Variants in WDR26 observed in about 807,000 individuals in gnomAD.
The protein encoded by WDR26 is WD repeat domain 26.
In WDR26, 5 loss-of-function variants were observed where a neutral mutation model predicts 84.1. That is an observed-to-expected ratio of 0.06 (90% CI 0.03 to 0.13). The LOEUF (loss-of-function observed/expected upper bound fraction) is 0.13, where lower values mean the gene tolerates loss of function less well. WDR26 is among the 10% of genes least tolerant of loss of function. WDR26 has a pLI of 1.00. For missense variants in WDR26, 642 were observed against 974.9 expected, an observed-to-expected ratio of 0.66 and a Z score of 4.55; for synonymous variants, 415 against 389.6, an observed-to-expected ratio of 1.07 and a Z score of -0.77.
intron 6 of WDR26, among the ~76,000 whole-genome samples, chr1:224,412,211 G>A (rs908732665): frequency 2.0e-5 from 3 of 152,174 alleles, no homozygotes; most frequent in Non-Finnish European, 4.4e-5. Context: ...TGGAATGTAA[G>A]AGATACTCAA....
chr1:224,393,391 T>C (rs904345699), intron 13 of WDR26, among the ~76,000 whole-genome samples: 2 of 152,232 alleles, frequency 1.3e-5, no homozygotes, highest in Non-Finnish European at 2.9e-5. Context: ...GTATGATGCA[T>C]GGTGCAAACA....
chr1:224,423,965 C>G (rs1273026475), intron 4 of WDR26, among the ~76,000 whole-genome samples: 1 of 152,126 alleles, frequency 6.6e-6, no homozygotes, highest in Non-Finnish European at 1.5e-5. Flanking sequence ...GGTACAGTGA[C>G]TCATGCCTGT....
chr1:224,411,181 T>G (rs1298004774), intron 7 of WDR26, among the ~76,000 whole-genome samples: 1 of 152,162 alleles, frequency 6.6e-6, no homozygotes, highest in African/African-American at 2.4e-5. Context: ...ACAGAGTTTT[T>G]CAGAATATTA....
intron 3 of WDR26, chr1:224,429,868 CAAAT>C (rs1674336195): frequency 6.6e-6 from 1 of 151,972 alleles, no homozygotes; most frequent in South Asian, 2.1e-4. Flanking sequence ...TTACTATAAA[CAAAT>C]AAGAAAAAAA....
chr1:224,426,596 T>C (rs1302324725), intron 3 of WDR26, among the ~76,000 whole-genome samples: 4 of 151,778 alleles, frequency 2.6e-5, no homozygotes, highest in African/African-American at 9.7e-5. Context: ...CAGCCTGAAG[T>C]TAACCTTTCT....
intron 7 of WDR26, among the ~76,000 whole-genome samples, chr1:224,409,342 C>T (rs1368089950): frequency 6.6e-6 from 1 of 152,120 alleles, no homozygotes; most frequent in Non-Finnish European, 1.5e-5. Flanking sequence ...GTAATGAATA[C>T]ATAACATATA....
chr1:224,401,176 C>A, intron 8 of WDR26, 107 bp from the exon 9 acceptor site: 1 of 1,096,294 alleles, frequency 9.1e-7, no homozygotes, highest in Non-Finnish European at 1.3e-6. Flanking sequence ...CCAGTTCATT[C>A]TAAGTAGAGT....
At chr1:224,398,654 C>T (rs934592346) in intron 10 of WDR26, 61 bp from the exon 11 acceptor site, 1 of 1,445,296 alleles carries the variant, frequency 6.9e-7, no homozygotes, top group South Asian at 1.2e-5. Context: ...TTCAAATTAT[C>T]AATACATAAG....
chr1:224,404,071 C>T (rs542682799), intron 8 of WDR26, among the ~76,000 whole-genome samples: 1 of 152,106 alleles, frequency 6.6e-6, no homozygotes, highest in Non-Finnish European at 1.5e-5. Context: ...CCATCAGAAT[C>T]GAAAATTTGG....
chr1:224,405,406 CAT>C (rs1673524172), intron 7 of WDR26, among the ~76,000 whole-genome samples: 1 of 152,138 alleles, frequency 6.6e-6, no homozygotes, highest in Non-Finnish European at 1.5e-5. Context: ...TTTGTGTAGA[CAT>C]ATGTTTCCAT....
At position 224,426,971 on chromosome 1, in the gene WDR26, C is replaced by T. The variant is rs553386308; in HGVS notation, c.928-2317G>A. Among the ~76,000 whole-genome samples, 200 of 151,192 alleles carry T rather than the reference C, an allele frequency of 1.3e-3. 2 individuals carry two copies. The highest frequency in any genetic ancestry group is 4.6e-3 in the African/African-American group (191 of 41,240). On this transcript the variant is annotated intron_variant, in intron 3 of 13. Coordinates refer to ENST00000414423, the MANE Select transcript of WDR26 (RefSeq NM_001379403.1). The stretch of plus-strand genomic sequence containing the variant: ...CAAAAAAATTAGCTGGGTGTGGCAG[C>T]GGGTGCCTGTAATCCCAGCTACTTC...
rs1673027198 is a variant in WDR26, at chr1:224,387,995, A to G, written c.*1840T>C. The G allele has an allele frequency of 1.3e-5, 2 of 152,638 alleles. No individual in the cohort carries two copies. The highest frequency in any genetic ancestry group is 1.3e-4 in the Admixed American group (2 of 15,268). 9.5% of individuals were successfully genotyped at this position (152,638 alleles called of 1,614,324 possible). A position where few individuals can be genotyped will look rare whatever the true frequency, so the allele number is the denominator to read the frequency against. Reference sequence around the variant, plus strand: ...TTCTCTAAGTGGTGGTCTCTGCAAAATGGAGCTTGAAGAAATCTTTTACAT... The same window carrying G: ...TTCTCTAAGTGGTGGTCTCTGCAAAGTGGAGCTTGAAGAAATCTTTTACAT... On this transcript the variant is annotated 3_prime_UTR_variant, in exon 14 of 14. Transcript: ENST00000414423.
At chr1:224,407,760 C>G (rs1019166968) in intron 7 of WDR26, among the ~76,000 whole-genome samples, 1 of 152,018 alleles carries the variant, frequency 6.6e-6, no homozygotes, top group African/African-American at 2.4e-5. Flanking sequence ...TCACCTGCCT[C>G]GGCCTTCCAA....
intron 6 of WDR26, among the ~76,000 whole-genome samples, chr1:224,417,666 C>T (rs1227463874): frequency 6.6e-6 from 1 of 152,224 alleles, no homozygotes; most frequent in Non-Finnish European, 1.5e-5. Context: ...TGCCACTGCA[C>T]TCTATCCTGG....
intron 7 of WDR26, among the ~76,000 whole-genome samples, chr1:224,407,151 A>AAAAAATATAT: frequency 8.4e-5 from 1 of 11,876 alleles, no homozygotes; most frequent in East Asian, 2.1e-3. Flanking sequence ...AAAAAAAAAA[A>AAAAAATATAT]ATATATATAT....
chr1:224,387,666 G>T lies in WDR26; in HGVS notation c.*2169C>A, dbSNP rs1673019517. ...GGGCACAAATCTGAGTGTTACAAAT[G>T]CACCGTAGCACACTGTAACCAAATT... On this transcript the variant is annotated 3_prime_UTR_variant, in exon 14 of 14. Coordinates refer to ENST00000414423, the MANE Select transcript of WDR26 (RefSeq NM_001379403.1). The T allele has an allele frequency of 6.6e-6, 1 of 152,576 alleles. No homozygotes were observed. The highest frequency in any genetic ancestry group is 1.5e-5 in the Non-Finnish European group (1 of 68,018). The allele number at this position is 152,576 out of a possible 1,614,324, so 9.5% of individuals were successfully genotyped here.
intron 7 of WDR26, among the ~76,000 whole-genome samples, chr1:224,410,700 T>C (rs1404846176): frequency 1.4e-5 from 2 of 147,904 alleles, no homozygotes; most frequent in Non-Finnish European, 1.5e-5. Context: ...CTTTCTTTTT[T>C]TTTTTTTTTT....
intron 3 of WDR26, among the ~76,000 whole-genome samples, chr1:224,426,666 C>CAAA (rs573328756): frequency 9.6e-6 from 1 of 104,336 alleles, no homozygotes; most frequent in African/African-American, 3.4e-5. Flanking sequence ...CTAAACAATG[C>CAAA]AAAAAAAAAA....
At chr1:224,416,110 T>C (rs556505025) in intron 6 of WDR26, among the ~76,000 whole-genome samples, 1 of 152,216 alleles carries the variant, frequency 6.6e-6, no homozygotes, top group Admixed American at 6.5e-5. Context: ...GAGAGGTAAG[T>C]AGGAGCATAG....
Sources: allele counts gnomAD v4.1 joint callset (sites outside exome capture counted in the v4.1 genomes callset), GRCh38; gene constraint gnomAD v4.1.1; transcripts MANE v1.5; gene names NCBI Gene and HGNC (gene_info 2026-07-23, HGNC 2026-07-21).